TTC39A: variants seen among roughly 807,000 people sequenced by gnomAD.
The protein encoded by TTC39A is tetratricopeptide repeat protein 39A.
Under a neutral mutation model 82.3 loss-of-function variants are expected in TTC39A, and 46 were observed. That is an observed-to-expected ratio of 0.56 (90% confidence interval 0.44 to 0.71). The LOEUF (loss-of-function observed/expected upper bound fraction) is 0.71. Among genes scored for constraint, TTC39A ranks in the 30% least tolerant of loss-of-function variants. TTC39A has a pLI of 0.00. For missense variants in TTC39A, 543 were observed against 712.9 expected (o/e 0.76, Z 2.71); for synonymous variants, 254 against 275.2 (o/e 0.92, Z 0.76).
At chr1:51,290,821 T>C (rs978900508) in intron 14 of TTC39A, among the ~76,000 whole-genome samples, 196 bp from the exon 15 acceptor site, 29 of 152,188 alleles carry the variant, frequency 1.9e-4, no homozygotes, top group African/African-American at 6.8e-4. Context: ...GATTTCCTCC[T>C]GAGATCTCAC....
chr1:51,298,362 CCCTAA>C (rs1168025989), intron 12 of TTC39A: 2 of 152,910 alleles, frequency 1.3e-5, no homozygotes, highest in East Asian at 3.9e-4. Context: ...CCAGGACCTG[CCCTAA>C]CCTTTCTTTT....
rs925426373 is a variant in TTC39A at position 51,330,405 on chromosome 1, C to T, written c.41+32G>A. The T allele has an allele frequency of 1.0e-6, 1 of 980,272 alleles. No homozygotes were observed. The allele number at this position is 980,272 out of a possible 1,614,324, so 60.7% of individuals were successfully genotyped here. A position where few individuals can be genotyped will look rare whatever the true frequency, so the allele number is the denominator to read the frequency against. On this transcript the variant is annotated intron_variant, in intron 1 of 17. Transcript: ENST00000680483. This position sits in a 1 kb window ranked among gnomAD's most constrained non-coding sequence, Gnocchi z 4.5. Reference sequence around the variant, plus strand: ...TGCCCGGGCCCCAGCCCGCGCCGCCCGCGCCCCCGGGCCTCCCAGCCGCGC... The same window carrying T: ...TGCCCGGGCCCCAGCCCGCGCCGCCTGCGCCCCCGGGCCTCCCAGCCGCGC...
Position 51,302,512 on chromosome 1 carries a change from G to A in TTC39A, c.825C>T (p.Tyr275=). The A allele has an allele frequency of 6.2e-7, 1 of 1,609,810 alleles. No individual in the cohort carries two copies. Among genetic ancestry groups the A allele is most frequent in the Non-Finnish European group, 8.5e-7 (1 of 1,178,078 alleles). The change falls in exon 10 of 18, where the codon TAC becomes TAT. Residue 275 remains tyrosine (Y), a synonymous_variant. Transcript: ENST00000680483. The part of the protein sequence containing the change: ...EKLLKPYLNR[Y]PKGAIFLFFA... ...GGCAGCACATGGGGCTCACCTTAGG[G>A]TACCGGTTCAGGTAGGGCTTCAAGA...
At chr1:51,314,654 G>T (rs189500840) in intron 2 of TTC39A, among the ~76,000 whole-genome samples, 2 of 152,176 alleles carry the variant, frequency 1.3e-5, no homozygotes, top group African/African-American at 4.8e-5. Flanking sequence ...CCTTTGCTAG[G>T]ACTGCTTAAT....
intron 6 of TTC39A, among the ~76,000 whole-genome samples, chr1:51,307,025 A>C (rs554714526): frequency 6.6e-6 from 1 of 152,272 alleles, no homozygotes; most frequent in African/African-American, 2.4e-5. Flanking sequence ...TCTGACAGAG[A>C]GAACAGCACG....
chr1:51,335,565 A>C (rs1645964607), upstream of TTC39A, among the ~76,000 whole-genome samples: 1 of 130,826 alleles, frequency 7.6e-6, no homozygotes, highest in Non-Finnish European at 1.5e-5. Flanking sequence ...TTGTCTCACA[A>C]AAAAAAAAAA....
At chr1:51,309,364 G>T (rs751776886) in intron 5 of TTC39A, 39 bp from the exon 6 acceptor site, 3 of 1,612,256 alleles carry the variant, frequency 1.9e-6, no homozygotes, top group Non-Finnish European at 2.5e-6. Context: ...GGCCCAGGTG[G>T]GCAGCTGCAG....
chr1:51,330,574 C>T (rs966424975), upstream of TTC39A: 113 of 982,772 alleles, frequency 1.1e-4, no homozygotes, highest in African/African-American at 1.9e-3. The surrounding 1 kb of genome is among the most constrained non-coding windows in gnomAD (Gnocchi z 4.5). Flanking sequence ...CGGTCGCGGA[C>T]GCGGCGGCCG....
In TTC39A at chr1:51,306,340, A is replaced by G. The variant is rs187247133; in HGVS notation, c.489-264T>C. 2.3e-3 allele frequency among the ~76,000 whole-genome samples: 348 copies of G among 152,220 alleles called. 1 individual carries two copies. The highest frequency in any genetic ancestry group is 6.8e-3 in the Middle Eastern group (2 of 294). Reference sequence around the variant, plus strand: ...GACATTTGTTCGTATTCCACATCCTATCTAAAAGAGGTTTTCTCAGCCTCC... The same window carrying G: ...GACATTTGTTCGTATTCCACATCCTGTCTAAAAGAGGTTTTCTCAGCCTCC... On this transcript the variant is annotated intron_variant, in intron 6 of 17. Transcript: ENST00000680483.
At chr1:51,340,930 G>A (rs533972409) in intron 1 of TTC39A, among the ~76,000 whole-genome samples, 16 of 152,264 alleles carry the variant, frequency 1.1e-4, no homozygotes, top group East Asian at 1.9e-4. Context: ...CCAACACTTT[G>A]GGAGGCCGAG....
chr1:51,326,280 T>C (rs1645710598), intron 1 of TTC39A, among the ~76,000 whole-genome samples: 1 of 151,858 alleles, frequency 6.6e-6, no homozygotes, highest in Non-Finnish European at 1.5e-5. Context: ...GGAAGGAGGA[T>C]GGCATCAAGG....
chr1:51,293,275 C>T lies in TTC39A; in HGVS notation c.1266+1116G>A, dbSNP rs148321960. ...AGAGGTGGGGTTTCTCCATGTTGAT[C>T]AGGCCAGTCTCTAACTCCTGACCTC... On this transcript the variant is annotated intron_variant, in intron 14 of 17. Transcript: ENST00000680483. Among the ~76,000 whole-genome samples, 726 of 152,294 alleles carry T rather than the reference C, an allele frequency of 4.8e-3. 3 individuals carry two copies. The highest frequency in any genetic ancestry group is 0.017 in the African/African-American group (686 of 41,548).
chr1:51,290,530 C>A lies in TTC39A; in HGVS notation c.1362G>T (p.Met454Ile), dbSNP rs988907136. The A allele has an allele frequency of 1.2e-6, 2 of 1,613,868 alleles. No individual in the cohort carries two copies. The highest frequency in any genetic ancestry group is 2.7e-5 in the African/African-American group (2 of 75,066). ...GGAAGTCACCTGGGCCTTTCTCCAG[C>A]ATCTCTTCAGCCTTAGTGATAATCT... ...ILEIITKAEE[M>I]LEKGPENEYS... The change falls in exon 15 of 18, where the codon ATG becomes ATT. Residue 454 changes from methionine to isoleucine, a missense_variant. Met to Ile is a conservative substitution (Grantham distance 10, BLOSUM62 1). Transcript: ENST00000680483.
At chr1:51,330,889 C>T (rs978292523), upstream of TTC39A, 16 of 588,618 alleles carry the variant, frequency 2.7e-5, no homozygotes, top group Non-Finnish European at 3.3e-5. This position sits in a 1 kb window ranked among gnomAD's most constrained non-coding sequence, Gnocchi z 4.5. Context: ...CCCGAAGCGG[C>T]CCCCACCTGA....
rs1308427303 is a variant in TTC39A, at chr1:51,288,388, A to G, written c.1611-108T>C. On this transcript the variant is annotated intron_variant, in intron 17 of 17. Coordinates refer to ENST00000680483, the MANE Select transcript of TTC39A (RefSeq NM_001297663.2). This position sits in a 1 kb window ranked among gnomAD's most constrained non-coding sequence, Gnocchi z 4.8. ...GCGAGCCAAGGAAGGATTGTAGAGAAATTAATGTGTCCAGAGAGAGTTGAG... is the reference window on the plus strand; with the variant it reads ...GCGAGCCAAGGAAGGATTGTAGAGAGATTAATGTGTCCAGAGAGAGTTGAG... 4.2e-5 allele frequency: 65 copies of G among 1,545,046 alleles called. No individual in the cohort carries two copies. The highest frequency in any genetic ancestry group is 5.7e-5 in the Non-Finnish European group (65 of 1,140,156).
intron 12 of TTC39A, chr1:51,300,281 G>A (rs929244185): frequency 1.3e-5 from 2 of 152,342 alleles, no homozygotes; most frequent in African/African-American, 4.8e-5. Flanking sequence ...GAGCTCAGTA[G>A]AAGCCTGCTC....
At chr1:51,291,348 G>A (rs1040968801) in intron 14 of TTC39A, among the ~76,000 whole-genome samples, 5 of 151,446 alleles carry the variant, frequency 3.3e-5, no homozygotes, top group East Asian at 1.9e-4. Flanking sequence ...AAAATTAGCC[G>A]GGTGTGGTGG....
intron 1 of TTC39A, chr1:51,342,859 A>C (rs1282955835): frequency 2.8e-6 from 1 of 354,130 alleles, no homozygotes; most frequent in East Asian, 7.7e-5. Context: ...CAGCCTGTCC[A>C]TTCACTGCTT....
At position 51,287,930 on chromosome 1, in the gene TTC39A, T is replaced by C. The variant is rs745847625; in HGVS notation, c.*227A>G. ...GAAAAGCAAGTACCCGTATGTGTGATAGGGCAGGCAGAGGGCTCCACCTGC... is the reference window on the plus strand; with the variant it reads ...GAAAAGCAAGTACCCGTATGTGTGACAGGGCAGGCAGAGGGCTCCACCTGC... On this transcript the variant is annotated 3_prime_UTR_variant, in exon 18 of 18. Transcript: ENST00000680483. 6.0e-5 allele frequency: 33 copies of C among 554,284 alleles called. No homozygotes were observed. The highest frequency in any genetic ancestry group is 9.8e-5 in the Non-Finnish European group (31 of 316,806). The allele number at this position is 554,284 out of a possible 1,614,324, so 34.3% of individuals were successfully genotyped here. A position where few individuals can be genotyped will look rare whatever the true frequency, so the allele number is the denominator to read the frequency against.
Sources: allele counts gnomAD v4.1 joint callset (sites outside exome capture counted in the v4.1 genomes callset), GRCh38; gene constraint gnomAD v4.1.1; non-coding constraint Gnocchi (gnomAD v3.1); transcripts MANE v1.5; gene names NCBI Gene and HGNC (gene_info 2026-07-23, HGNC 2026-07-21).